Variants in NPEPPS observed in about 807,000 individuals in gnomAD.
NPEPPS encodes the protein aminopeptidase puromycin sensitive, also known as puromycin-sensitive aminopeptidase.
Under a neutral mutation model 115.5 loss-of-function variants are expected in NPEPPS, and 14 were observed. That is an observed-to-expected ratio of 0.12 (90% CI 0.08 to 0.19). NPEPPS has a LOEUF of 0.19. Ranked by LOEUF, NPEPPS falls within the 10% of genes least tolerant of loss-of-function variation. The probability of loss-of-function intolerance (pLI) is 1.00; values close to 1 mark genes in which losing one functional copy is unlikely to be tolerated. For missense variants in NPEPPS, 523 were observed against 1,110.8 expected (o/e 0.47, Z 7.52); for synonymous variants, 285 against 390.6 (o/e 0.73, Z 3.19).
chr17:47,593,333 G>T (rs1291760635), intron 12 of NPEPPS, among the ~76,000 whole-genome samples: 2 of 152,118 alleles, frequency 1.3e-5, no homozygotes, highest in Non-Finnish European at 2.9e-5. Context: ...AGGCCAGGAT[G>T]TGCGGACTGA....
intron 19 of NPEPPS, among the ~76,000 whole-genome samples, chr17:47,614,474 G>T (rs1477166212): frequency 6.6e-6 from 1 of 152,154 alleles, no homozygotes; most frequent in East Asian, 1.9e-4. Context: ...TTGAGCTATG[G>T]CAGGGTCCTT....
intron 22 of NPEPPS, among the ~76,000 whole-genome samples, chr17:47,621,326 G>A (rs1329343952): frequency 6.6e-6 from 1 of 152,094 alleles, no homozygotes; most frequent in Non-Finnish European, 1.5e-5. Context: ...CTCTGTGCTA[G>A]GTATTTTGTC....
At chr17:47,603,268 T>C (rs572610401) in intron 15 of NPEPPS, among the ~76,000 whole-genome samples, 3 of 151,916 alleles carry the variant, frequency 2.0e-5, no homozygotes, top group Non-Finnish European at 4.4e-5. Flanking sequence ...CAAAATTAGC[T>C]GGGTGTGGTG....
chr17:47,575,612 TTATTA>T (rs1345022311), intron 3 of NPEPPS, among the ~76,000 whole-genome samples: 4 of 148,796 alleles, frequency 2.7e-5, no homozygotes, highest in Non-Finnish European at 5.9e-5. Flanking sequence ...ATTATTATTA[TTATTA>T]TTTTTGAGAT....
intron 3 of NPEPPS, among the ~76,000 whole-genome samples, chr17:47,571,259 A>G (rs1275454845): frequency 1.3e-5 from 2 of 152,208 alleles, no homozygotes; most frequent in Admixed American, 6.5e-5. Flanking sequence ...GGGTGTTGAC[A>G]TAATTGGTGA....
At chr17:47,547,804 A>G (rs1307347969) in intron 2 of NPEPPS, among the ~76,000 whole-genome samples, 1 of 152,118 alleles carries the variant, frequency 6.6e-6, no homozygotes, top group Non-Finnish European at 1.5e-5. Context: ...AGGCGGGTGG[A>G]TCACAAGGTC....
intron 1 of NPEPPS, among the ~76,000 whole-genome samples, chr17:47,541,517 C>T (rs1266405313): frequency 2.0e-5 from 3 of 152,098 alleles, no homozygotes; most frequent in Non-Finnish European, 2.9e-5. Context: ...GCTGGGATTA[C>T]AGGCGCCTGC....
chr17:47,589,993 G>A (rs1438844961), intron 9 of NPEPPS, among the ~76,000 whole-genome samples: 1 of 151,796 alleles, frequency 6.6e-6, no homozygotes, highest in Non-Finnish European at 1.5e-5. Context: ...CCATATATGG[G>A]CTTTTTTTTT....
intron 13 of NPEPPS, among the ~76,000 whole-genome samples, chr17:47,597,699 C>T (rs1912963835): frequency 6.6e-6 from 1 of 152,126 alleles, no homozygotes; most frequent in South Asian, 2.1e-4. Flanking sequence ...AATAATTTCT[C>T]AATGTGGCAA....
At chr17:47,587,395 C>G in intron 9 of NPEPPS, 51 bp downstream of exon 9, 1 of 1,452,696 alleles carries the variant, frequency 6.9e-7, no homozygotes, top group South Asian at 1.4e-5. Context: ...TCCTACTCCA[C>G]ATTATTTTGG....
chr17:47,582,505 A>G (rs1911947376), intron 4 of NPEPPS: 2 of 446,374 alleles, frequency 4.5e-6, no homozygotes, highest in African/African-American at 2.0e-5. Flanking sequence ...GTAAATAATT[A>G]TAATATATTG....
intron 1 of NPEPPS, among the ~76,000 whole-genome samples, chr17:47,525,434 C>T (rs546065933): frequency 5.3e-4 from 80 of 152,296 alleles, no homozygotes; most frequent in Non-Finnish European, 1.0e-4. Flanking sequence ...ACCTCTGCCT[C>T]CTGGGTTCAA....
rs1907748078 is a variant in NPEPPS, at chr17:47,531,353, G to A, written c.53G>A (p.Gly18Asp). 6.6e-7 allele frequency: 1 copy of A among 1,512,112 alleles called. No individual in the cohort carries two copies. Among genetic ancestry groups the A allele is most frequent in the East Asian group, 2.5e-5 (1 of 40,382 alleles). The allele number at this position is 1,512,112 out of a possible 1,614,324, so 93.7% of individuals were successfully genotyped here. A position where few individuals can be genotyped will look rare whatever the true frequency, so the allele number is the denominator to read the frequency against. Residue 18 changes from glycine (G) to aspartate (D), a missense_variant, in exon 1 of 23, where the codon GGC becomes GAC. Physicochemically the swap from Gly to Asp is moderately conservative, Grantham distance 94. Transcript: ENST00000322157. ...PSLARRLLFL[G>D]PPPPPLLLLV... ...CTCGCTCGCCGCCTGCTCTTCCTCG[G>A]CCCTCCGCCTCCTCCCCTCCTCCTT...
intron 1 of NPEPPS, among the ~76,000 whole-genome samples, chr17:47,542,049 A>G (rs2940215): frequency 1.3e-5 from 2 of 152,280 alleles, no homozygotes; most frequent in South Asian, 2.1e-4. Context: ...ATGATTACCC[A>G]TATACAGGTC....
At chr17:47,598,729 C>T (rs567151778) in intron 13 of NPEPPS, among the ~76,000 whole-genome samples, 1 of 152,210 alleles carries the variant, frequency 6.6e-6, no homozygotes, top group Non-Finnish European at 1.5e-5. Context: ...GAACAGAGAA[C>T]AGTAATGCCA....
intron 13 of NPEPPS, among the ~76,000 whole-genome samples, chr17:47,598,301 C>T (rs1912995665): frequency 6.6e-6 from 1 of 151,640 alleles, no homozygotes; most frequent in Non-Finnish European, 1.5e-5. Flanking sequence ...AGTGAGACCT[C>T]GTCTCTACTA....
chr17:47,597,399 T>C (rs528273654), intron 13 of NPEPPS, among the ~76,000 whole-genome samples: 3 of 152,368 alleles, frequency 2.0e-5, no homozygotes, highest in African/African-American at 7.2e-5. Context: ...TTATTTGCCA[T>C]GGTTTTGTGA....
In NPEPPS at chr17:47,618,414, T is replaced by C; in HGVS notation, c.2360T>C (p.Leu787Pro). 6.2e-7 allele frequency: 1 copy of C among 1,613,876 alleles called. No homozygotes were observed. Among genetic ancestry groups the C allele is most frequent in the Non-Finnish European group, 8.5e-7 (1 of 1,179,836 alleles). The change falls in exon 20 of 23, where the codon CTT (leucine) becomes CCT (proline). Residue 787 changes from leucine (L) to proline (P), a missense_variant. Around this residue, in one of 4 missense-constraint regions of NPEPPS, gnomAD observed 372 missense variants for 542.6 expected, o/e 0.69. Coordinates refer to ENST00000322157, the MANE Select transcript of NPEPPS (RefSeq NM_006310.4). The stretch of plus-strand genomic sequence containing the variant: ...ATCGAAAGAGTCCTTGGCGCTACTC[T>C]TTTGCCTGACCTGATTCAAAAAGTC... ...NRIERVLGAT[L>P]LPDLIQKVLT... is the part of the protein sequence containing the mutation.
intron 12 of NPEPPS, among the ~76,000 whole-genome samples, chr17:47,593,000 T>C (rs980711786): frequency 6.6e-5 from 10 of 152,222 alleles, no homozygotes; most frequent in East Asian, 1.9e-4. Context: ...CTGAAACTTT[T>C]TGAGTGCCAA....
Sources: allele counts gnomAD v4.1 joint callset (sites outside exome capture counted in the v4.1 genomes callset), GRCh38; gene constraint gnomAD v4.1.1; regional missense constraint gnomAD v4.1.1; transcripts MANE v1.5; gene names NCBI Gene and HGNC (gene_info 2026-07-23, HGNC 2026-07-21).